The following PRKCE variants were observed in gnomAD, a reference collection of about 807,000 sequenced individuals.
The protein encoded by PRKCE is protein kinase C epsilon type.
Under a neutral mutation model 85.4 loss-of-function variants are expected in PRKCE, and 16 were observed. That is an observed-to-expected ratio of 0.19 (90% CI 0.13 to 0.28). PRKCE has a LOEUF of 0.28. Ranked by LOEUF, PRKCE falls within the 10% of genes least tolerant of loss-of-function variation. The pLI, the probability that PRKCE is intolerant of heterozygous loss-of-function variation, is 1.00. For synonymous variants in PRKCE, 388 were observed against 371.5 expected (o/e 1.04, Z -0.51); for missense variants, 573 against 975.2 (o/e 0.59, Z 5.49).
intron 14 of PRKCE, among the ~76,000 whole-genome samples, chr2:46,176,032 G>A (rs932921915): frequency 6.6e-6 from 1 of 152,112 alleles, no homozygotes; most frequent in Non-Finnish European, 1.5e-5. Flanking sequence ...ACTCTCAGGT[G>A]TCTAAATGGC....
At chr2:45,827,171 G>A (rs901638536) in intron 1 of PRKCE, among the ~76,000 whole-genome samples, 14 of 152,188 alleles carry the variant, frequency 9.2e-5, no homozygotes, top group Admixed American at 9.2e-4. Context: ...TACTGGCAAA[G>A]ACCAAGTCTT....
At chr2:45,956,392 C>A (rs1450169137) in intron 2 of PRKCE, among the ~76,000 whole-genome samples, 1 of 151,864 alleles carries the variant, frequency 6.6e-6, no homozygotes, top group Non-Finnish European at 1.5e-5. Context: ...TTTATAAGAA[C>A]CTGCAGGCTG....
intron 1 of PRKCE, among the ~76,000 whole-genome samples, chr2:45,834,646 C>G (rs1347226001): frequency 6.6e-6 from 1 of 152,074 alleles, no homozygotes; most frequent in Non-Finnish European, 1.5e-5. Flanking sequence ...TGTATTCACA[C>G]AGCAACACAA....
At chr2:46,028,320 T>C (rs541782686) in intron 10 of PRKCE, among the ~76,000 whole-genome samples, 8 of 152,364 alleles carry the variant, frequency 5.3e-5, no homozygotes, top group Admixed American at 5.2e-4. Context: ...GGGTAAACTT[T>C]CTTCACTGCC....
chr2:46,180,209 A>C (rs1558534659), intron 14 of PRKCE, among the ~76,000 whole-genome samples: 1 of 152,192 alleles, frequency 6.6e-6, no homozygotes. Context: ...AAGGGCATGT[A>C]CATGGAGGTG....
intron 12 of PRKCE, among the ~76,000 whole-genome samples, chr2:46,146,181 A>G (rs898718268): frequency 1.3e-5 from 2 of 152,264 alleles, no homozygotes; most frequent in Non-Finnish European, 1.5e-5. Flanking sequence ...ACTGAGAGAT[A>G]ACTAGTGTGA....
intron 1 of PRKCE, among the ~76,000 whole-genome samples, chr2:45,780,119 T>C (rs1405533470): frequency 6.6e-6 from 1 of 152,210 alleles, no homozygotes; most frequent in Non-Finnish European, 1.5e-5. Flanking sequence ...TAAAGAAACC[T>C]GTATTCTTTC....
chr2:45,791,291 CAG>C (rs1206394475), intron 1 of PRKCE, among the ~76,000 whole-genome samples: 1 of 152,158 alleles, frequency 6.6e-6, no homozygotes, highest in Non-Finnish European at 1.5e-5. Context: ...CTAAAAATAA[CAG>C]AACGCGAGAG....
chr2:45,684,063 G>T lies in PRKCE; in HGVS notation c.348+31615G>T, dbSNP rs147268792. On this transcript the variant is annotated intron_variant, in intron 1 of 14. Coordinates refer to ENST00000306156, the MANE Select transcript of PRKCE (RefSeq NM_005400.3). ...GGTGTTTGCTGGTAGGAGGGAGTGA[G>T]AAATTATGCCAGAGGTGGGAAAACT... 1.2e-3 allele frequency among the ~76,000 whole-genome samples: 182 copies of T among 152,320 alleles called. 2 individuals carry two copies. Among genetic ancestry groups the T allele is most frequent in the African/African-American group, 4.2e-3 (174 of 41,556 alleles).
intron 1 of PRKCE, among the ~76,000 whole-genome samples, chr2:45,750,751 T>A (rs546368805): frequency 1.3e-5 from 2 of 152,310 alleles, no homozygotes; most frequent in South Asian, 4.1e-4. Flanking sequence ...TGGAAGTATA[T>A]AGAACAGTGT....
At chr2:46,160,757 C>T (rs1484233527) in intron 14 of PRKCE, among the ~76,000 whole-genome samples, 5 of 152,184 alleles carry the variant, frequency 3.3e-5, no homozygotes, top group Admixed American at 2.6e-4. Context: ...CTTCCTGTGC[C>T]TTGTGAACCA....
chr2:45,693,467 C>T (rs1677898538), intron 1 of PRKCE, among the ~76,000 whole-genome samples: 1 of 152,090 alleles, frequency 6.6e-6, no homozygotes, highest in African/African-American at 2.4e-5. Context: ...AGAAGCAGGG[C>T]AAGGCCCAGG....
At chr2:45,984,954 CT>C (rs1703191151) in intron 6 of PRKCE, among the ~76,000 whole-genome samples, 1 of 152,104 alleles carries the variant, frequency 6.6e-6, no homozygotes, top group Non-Finnish European at 1.5e-5. Context: ...CAAAATGAGT[CT>C]ACAAAAGCAT....
chr2:46,097,750 C>T (rs1384707005), intron 11 of PRKCE, among the ~76,000 whole-genome samples: 11 of 152,142 alleles, frequency 7.2e-5, no homozygotes, highest in Non-Finnish European at 1.0e-4. Flanking sequence ...AAAGGAATGC[C>T]AAATACCAGC....
intron 2 of PRKCE, among the ~76,000 whole-genome samples, chr2:45,873,518 A>G (rs538048240): frequency 6.6e-6 from 1 of 152,196 alleles, no homozygotes; most frequent in East Asian, 1.9e-4. Context: ...GTTGAGAGGT[A>G]TGGCCCCAGC....
At chr2:46,071,448 G>A (rs781150645) in intron 10 of PRKCE, among the ~76,000 whole-genome samples, 2 of 152,144 alleles carry the variant, frequency 1.3e-5, no homozygotes, top group Admixed American at 6.5e-5. Context: ...ATTGAATCTC[G>A]ATTTTACAAA....
At chr2:46,081,690 G>C (rs1357542554) in intron 10 of PRKCE, among the ~76,000 whole-genome samples, 1 of 152,252 alleles carries the variant, frequency 6.6e-6, no homozygotes, top group Non-Finnish European at 1.5e-5. Context: ...CCCTGGGGCA[G>C]AGGGAACAAG....
intron 10 of PRKCE, chr2:46,077,884 A>G (rs1165193325): frequency 1.3e-5 from 2 of 152,346 alleles, no homozygotes; most frequent in East Asian, 3.9e-4. Context: ...TAGTTCACAC[A>G]TAGTCTGTCT....
At chr2:45,707,467 A>G (rs1372943461) in intron 1 of PRKCE, among the ~76,000 whole-genome samples, 1 of 152,240 alleles carries the variant, frequency 6.6e-6, no homozygotes, top group Admixed American at 6.5e-5. Flanking sequence ...AGCCTTTATT[A>G]TCTTCATTTG....
Sources: allele counts gnomAD v4.1 joint callset (sites outside exome capture counted in the v4.1 genomes callset), GRCh38; gene constraint gnomAD v4.1.1; transcripts MANE v1.5; gene names NCBI Gene and HGNC (gene_info 2026-07-23, HGNC 2026-07-21).